Variants in UGT2B17 observed in about 807,000 individuals in gnomAD.
UGT2B17 encodes the protein UDP glucuronosyltransferase family 2 member B17.
Under a neutral mutation model 48.2 loss-of-function variants are expected in UGT2B17, and 21 were observed. The observed-to-expected ratio is 0.44, with a 90% confidence interval of 0.31 to 0.63. The LOEUF (loss-of-function observed/expected upper bound fraction) is 0.63, where lower values mean the gene tolerates loss of function less well. Ranked by LOEUF, UGT2B17 falls within the 20% of genes least tolerant of loss-of-function variation. The pLI is 0.08. For missense variants in UGT2B17, 402 were observed against 696.1 expected (o/e 0.58, Z 4.75); for synonymous variants, 146 against 238.4 (o/e 0.61, Z 3.57).
In UGT2B17 at chr4:68,552,343, G is replaced by A. The variant is rs565996755; in HGVS notation, c.1006-432C>T. Among the ~76,000 whole-genome samples, 4 of 126,102 alleles carry A rather than the reference G, an allele frequency of 3.2e-5. 1 individual carries two copies. Among genetic ancestry groups the A allele is most frequent in the Admixed American group, 2.4e-4 (3 of 12,360 alleles). The allele number at this position is 126,102 out of a possible 152,430, so 82.7% of individuals were successfully genotyped here. ...GAAACTCAAAGGAATTCAGCCATTT[G>A]TCTCCTATCTACCTATGACCTGGAA... is the stretch of plus-strand genomic sequence containing the variant. On this transcript the variant is annotated intron_variant, in intron 4 of 6. Coordinates refer to ENST00000317746, the MANE Select transcript of UGT2B17 (RefSeq NM_001077.4).
chr4:68,539,525 A>T (rs1449667425), intron 6 of UGT2B17, among the ~76,000 whole-genome samples: 3 of 123,982 alleles, frequency 2.4e-5, no homozygotes, highest in Non-Finnish European at 3.4e-5. Flanking sequence ...TTTTTGTTGG[A>T]TGTATACTTG....
At position 68,539,010 on chromosome 4, in the gene UGT2B17, C is replaced by T. The variant is rs1730606282; in HGVS notation, c.1314-1106G>A. ...TGTTTTCCTGGCCACACTATAGGCA[C>T]CCATAGGATTTCTCTACTGCTTCGT... On this transcript the variant is annotated intron_variant, in intron 6 of 6. Transcript: ENST00000317746. Among the ~76,000 whole-genome samples, 7 of 125,834 alleles carry T rather than the reference C, an allele frequency of 5.6e-5. 1 individual carries two copies. Among genetic ancestry groups the T allele is most frequent in the Admixed American group, 5.0e-4 (6 of 12,120 alleles). The allele number at this position is 125,834 out of a possible 152,430, so 82.6% of individuals were successfully genotyped here. A position where few individuals can be genotyped will look rare whatever the true frequency, so the allele number is the denominator to read the frequency against.
intron 4 of UGT2B17, among the ~76,000 whole-genome samples, chr4:68,554,435 T>G (rs2109768170): frequency 7.9e-6 from 1 of 125,854 alleles, no homozygotes; most frequent in South Asian, 3.7e-4. Flanking sequence ...TTCTCTCTTT[T>G]TTAAAAATTT....
Position 68,552,363 on chromosome 4 carries a change from C to T in UGT2B17, c.1006-452G>A, listed in dbSNP as rs1730932409. ...CATTTGTCTCCTATCTACCTATGACCTGGAAGCCCCTTCCATGCTTCAAGT... is the reference window on the plus strand; with the variant it reads ...CATTTGTCTCCTATCTACCTATGACTTGGAAGCCCCTTCCATGCTTCAAGT... On this transcript the variant is annotated intron_variant, in intron 4 of 6. Coordinates refer to ENST00000317746, the MANE Select transcript of UGT2B17 (RefSeq NM_001077.4). Among the ~76,000 whole-genome samples the T allele has an allele frequency of 1.6e-5, 2 of 126,104 alleles. 1 individual carries two copies. Among genetic ancestry groups the T allele is most frequent in the South Asian group, 7.7e-4 (2 of 2,592 alleles). The allele number at this position is 126,104 out of a possible 152,430, so 82.7% of individuals were successfully genotyped here. A position where few individuals can be genotyped will look rare whatever the true frequency, so the allele number is the denominator to read the frequency against.
chr4:68,546,435 AAG>A (rs1400021663), intron 6 of UGT2B17, among the ~76,000 whole-genome samples: 2 of 126,514 alleles, frequency 1.6e-5, no homozygotes, highest in African/African-American at 2.7e-5. Context: ...TCCAAATAAT[AAG>A]AGTTATCTAT....
intron 1 of UGT2B17, among the ~76,000 whole-genome samples, chr4:68,574,725 T>A (rs1246833667): frequency 1.6e-5 from 2 of 126,788 alleles, no homozygotes; most frequent in Non-Finnish European, 3.3e-5. Context: ...AAACTGTTTC[T>A]TCAATAGCAC....
In UGT2B17 at chr4:68,573,991, A is replaced by T. The variant is rs28799000; in HGVS notation, c.-65+1960T>A. ...AGAATCCTGGAAAAGAGCTACCATCAGGCCCACACCTGGTGAACTGGAGGA... is the reference window on the plus strand; with the variant it reads ...AGAATCCTGGAAAAGAGCTACCATCTGGCCCACACCTGGTGAACTGGAGGA... On this transcript the variant is annotated intron_variant, in intron 1 of 6. Coordinates refer to ENST00000317746, the MANE Select transcript of UGT2B17 (RefSeq NM_001077.4). 1.1e-4 allele frequency among the ~76,000 whole-genome samples: 14 copies of T among 126,094 alleles called. 3 individuals are homozygous for T. The highest frequency in any genetic ancestry group is 3.8e-4 in the African/African-American group (14 of 36,438). 82.7% of individuals were successfully genotyped at this position (126,094 alleles called of 152,430 possible). A position where few individuals can be genotyped will look rare whatever the true frequency, so the allele number is the denominator to read the frequency against.
intron 6 of UGT2B17, among the ~76,000 whole-genome samples, chr4:68,547,729 GA>G (rs199777055): frequency 0.48 from 59,835 of 123,786 alleles, 23,322 homozygotes; most frequent in Middle Eastern, 0.75. Context: ...AAATTTACAA[GA>G]AAAAAACAAA....
chr4:68,569,426 A>T (rs1731264889), intron 1 of UGT2B17, among the ~76,000 whole-genome samples: 1 of 125,092 alleles, frequency 8.0e-6, no homozygotes, highest in African/African-American at 2.7e-5. Context: ...AAGCCAAGCA[A>T]AATATAGGGG....
chr4:68,538,200 G>A lies in UGT2B17; in HGVS notation c.1314-296C>T, dbSNP rs192522223. Reference sequence around the variant, plus strand: ...CATTCTAAGTGCTATAAGTAAGATAGTGGAAATAGAATCTGGGAATGATCA... The same window carrying A: ...CATTCTAAGTGCTATAAGTAAGATAATGGAAATAGAATCTGGGAATGATCA... On this transcript the variant is annotated intron_variant, in intron 6 of 6. Coordinates refer to ENST00000317746, the MANE Select transcript of UGT2B17 (RefSeq NM_001077.4). Among the ~76,000 whole-genome samples the A allele has an allele frequency of 3.4e-3, 414 of 120,890 alleles. 89 individuals are homozygous for A. The highest frequency in any genetic ancestry group is 0.02 in the Middle Eastern group (5 of 248). The allele number at this position is 120,890 out of a possible 152,430, so 79.3% of individuals were successfully genotyped here.
rs1262562318 is a variant in UGT2B17 at position 68,537,235 on chromosome 4, A to T, written c.*390T>A. 7.7e-6 allele frequency: 1 copy of T among 129,552 alleles called. No homozygotes were observed. Among genetic ancestry groups the T allele is most frequent in the Non-Finnish European group, 1.6e-5 (1 of 61,932 alleles). 8.0% of individuals were successfully genotyped at this position (129,552 alleles called of 1,614,324 possible). On this transcript the variant is annotated 3_prime_UTR_variant, in exon 7 of 7. Coordinates refer to ENST00000317746, the MANE Select transcript of UGT2B17 (RefSeq NM_001077.4). ...AAATTAAAAACAAAAATTCTGCTCAAAATGAAGCCAAAATATTCTGAGTAT... is the reference window on the plus strand; with the variant it reads ...AAATTAAAAACAAAAATTCTGCTCATAATGAAGCCAAAATATTCTGAGTAT...
At chr4:68,540,603 G>C (rs752657264) in intron 6 of UGT2B17, among the ~76,000 whole-genome samples, 1 of 126,974 alleles carries the variant, frequency 7.9e-6, no homozygotes, top group Non-Finnish European at 1.7e-5. Flanking sequence ...GGGATTACAG[G>C]CTTGAGCCAC....
chr4:68,564,436 C>T lies in UGT2B17; in HGVS notation c.873+1136G>A, dbSNP rs1366348019. On this transcript the variant is annotated intron_variant, in intron 3 of 6. Coordinates refer to ENST00000317746, the MANE Select transcript of UGT2B17 (RefSeq NM_001077.4). ...CCCGAGTAGCTGCTATTAGAGGTGC[C>T]TGCCAACATGCCTGACTAATTTTTG... Among the ~76,000 whole-genome samples the T allele has an allele frequency of 2.0e-4, 24 of 119,948 alleles. 6 individuals are homozygous for T. Among genetic ancestry groups the T allele is most frequent in the Admixed American group, 1.5e-3 (17 of 11,498 alleles). 78.7% of individuals were successfully genotyped at this position (119,948 alleles called of 152,430 possible).
rs1471718322 is a variant in UGT2B17 at position 68,542,980 on chromosome 4, A to AGCC, written c.1314-5077_1314-5076insGGC. Among the ~76,000 whole-genome samples the AGCC allele has an allele frequency of 1.6e-5, 2 of 126,692 alleles. 1 individual carries two copies. The highest frequency in any genetic ancestry group is 3.4e-5 in the Non-Finnish European group (2 of 59,662). The allele number at this position is 126,692 out of a possible 152,430, so 83.1% of individuals were successfully genotyped here. On this transcript the variant is annotated intron_variant, in intron 6 of 6. Transcript: ENST00000317746. ...GGGTGGAGCCCACCGCAGCTCAAGG[A>AGCC]CGCCTGCCTGCCTCTGTAGATCCAC...
At position 68,543,001 on chromosome 4, in the gene UGT2B17, T is replaced by A. The variant is rs1228550096; in HGVS notation, c.1314-5097A>T. Among the ~76,000 whole-genome samples the A allele has an allele frequency of 1.6e-5, 2 of 126,280 alleles. 1 individual carries two copies. The highest frequency in any genetic ancestry group is 3.4e-5 in the Non-Finnish European group (2 of 59,480). The allele number at this position is 126,280 out of a possible 152,430, so 82.8% of individuals were successfully genotyped here. A position where few individuals can be genotyped will look rare whatever the true frequency, so the allele number is the denominator to read the frequency against. On this transcript the variant is annotated intron_variant, in intron 6 of 6. Coordinates refer to ENST00000317746, the MANE Select transcript of UGT2B17 (RefSeq NM_001077.4). Reference sequence around the variant, plus strand: ...AAGGACGCCTGCCTGCCTCTGTAGATCCACCTCTGGGGGCAGGGCATAACC... The same window carrying A: ...AAGGACGCCTGCCTGCCTCTGTAGAACCACCTCTGGGGGCAGGGCATAACC...
rs1342368471 is a variant in UGT2B17 at position 68,541,100 on chromosome 4, A to G, written c.1314-3196T>C. On this transcript the variant is annotated intron_variant, in intron 6 of 6. Coordinates refer to ENST00000317746, the MANE Select transcript of UGT2B17 (RefSeq NM_001077.4). Reference sequence around the variant, plus strand: ...CTTTGATATTGTAGATAGTGCTGCAATAGACATACATGTGCATGTGTCTTT... The same window carrying G: ...CTTTGATATTGTAGATAGTGCTGCAGTAGACATACATGTGCATGTGTCTTT... Among the ~76,000 whole-genome samples, 15 of 126,078 alleles carry G rather than the reference A, an allele frequency of 1.2e-4. 2 individuals are homozygous for G. The highest frequency in any genetic ancestry group is 3.5e-4 in the African/African-American group (13 of 36,832). 82.7% of individuals were successfully genotyped at this position (126,078 alleles called of 152,430 possible).
chr4:68,540,017 C>A lies in UGT2B17; in HGVS notation c.1314-2113G>T, dbSNP rs566446626. The stretch of plus-strand genomic sequence containing the variant: ...GCCAGGCTGGTCTCGAACTCCTGAC[C>A]AAATGTGATCCTCCCACCTTGGCCT... On this transcript the variant is annotated intron_variant, in intron 6 of 6. Transcript: ENST00000317746. Among the ~76,000 whole-genome samples the A allele has an allele frequency of 4.9e-4, 60 of 123,170 alleles. 12 individuals carry two copies. Among genetic ancestry groups the A allele is most frequent in the African/African-American group, 1.5e-3 (55 of 36,048 alleles). The allele number at this position is 123,170 out of a possible 152,430, so 80.8% of individuals were successfully genotyped here. A position where few individuals can be genotyped will look rare whatever the true frequency, so the allele number is the denominator to read the frequency against.
In UGT2B17 at chr4:68,543,976, G is replaced by A. The variant is rs371604245; in HGVS notation, c.1314-6072C>T. The stretch of plus-strand genomic sequence containing the variant: ...TCTGATTGGTGTACCTGAAAGTGAC[G>A]GGGAGAATGGAAACAAGTTGGAAAA... On this transcript the variant is annotated intron_variant, in intron 6 of 6. Coordinates refer to ENST00000317746, the MANE Select transcript of UGT2B17 (RefSeq NM_001077.4). Among the ~76,000 whole-genome samples, 31 of 126,512 alleles carry A rather than the reference G, an allele frequency of 2.5e-4. 10 individuals are homozygous for A. In the East Asian group the frequency reaches 8.3e-3, roughly 34 times the overall value. The allele number at this position is 126,512 out of a possible 152,430, so 83.0% of individuals were successfully genotyped here. A position where few individuals can be genotyped will look rare whatever the true frequency, so the allele number is the denominator to read the frequency against.
intron 3 of UGT2B17, among the ~76,000 whole-genome samples, chr4:68,562,272 C>T (rs1392454346): frequency 1.6e-5 from 2 of 123,952 alleles, no homozygotes; most frequent in African/African-American, 5.5e-5. Flanking sequence ...CCTGCCACCA[C>T]GCCTGGCTAA....
Sources: allele counts gnomAD v4.1 joint callset (sites outside exome capture counted in the v4.1 genomes callset), GRCh38; gene constraint gnomAD v4.1.1; transcripts MANE v1.5; gene names NCBI Gene and HGNC (gene_info 2026-07-23, HGNC 2026-07-21).